The following PTPN22 variants were observed in gnomAD, a reference collection of about 807,000 sequenced individuals.
PTPN22 encodes protein tyrosine phosphatase non-receptor type 22.
PTPN22 carries 85 observed loss-of-function variants against 103.3 expected under a neutral mutation model. That is an observed-to-expected ratio of 0.82 (90% confidence interval 0.69 to 0.99). The LOEUF (loss-of-function observed/expected upper bound fraction) is 0.99, where lower values mean the gene tolerates loss of function less well. Among genes scored for constraint, PTPN22 ranks in the 50% least tolerant of loss-of-function variants. The pLI, the probability that PTPN22 is intolerant of heterozygous loss-of-function variation, is 0.00. For missense variants in PTPN22, 865 were observed against 936.9 expected, an observed-to-expected ratio of 0.92 and a Z score of 1.00; for synonymous variants, 323 against 310.2, an observed-to-expected ratio of 1.04 and a Z score of -0.43.
At chr1:113,856,234 A>C (rs1051340240) in intron 7 of PTPN22, 148 bp downstream of exon 7, 2 of 1,199,466 alleles carry the variant, frequency 1.7e-6, no homozygotes, top group Non-Finnish European at 2.2e-6. Context: ...GCCAGGCTCA[A>C]AGTTCTCTTG....
chr1:113,822,151 C>A (rs912541772), intron 19 of PTPN22, among the ~76,000 whole-genome samples: 12 of 152,288 alleles, frequency 7.9e-5, no homozygotes, highest in Non-Finnish European at 1.2e-4. Flanking sequence ...ACCATTGTTA[C>A]AAGCCAGTAA....
At chr1:113,842,710 G>C (rs1254007500) in intron 11 of PTPN22, among the ~76,000 whole-genome samples, 1 of 151,972 alleles carries the variant, frequency 6.6e-6, no homozygotes, top group Non-Finnish European at 1.5e-5. Context: ...AAAATAAAAA[G>C]TGTTGGCCAG....
At chr1:113,829,544 G>A in intron 18 of PTPN22, 48 bp downstream of exon 18, 2 of 1,073,896 alleles carry the variant, frequency 1.9e-6, no homozygotes, top group East Asian at 2.5e-5. Flanking sequence ...GAAACTTTCA[G>A]TAAGGGAAAG....
chr1:113,835,246 C>T (rs570691021), intron 13 of PTPN22, among the ~76,000 whole-genome samples: 2 of 152,230 alleles, frequency 1.3e-5, no homozygotes, highest in South Asian at 2.1e-4. Flanking sequence ...GGGCTGGGCG[C>T]GGTGGCTCAC....
chr1:113,832,580 T>C (rs1662642539), intron 16 of PTPN22, among the ~76,000 whole-genome samples: 2 of 152,228 alleles, frequency 1.3e-5, no homozygotes, highest in African/African-American at 2.4e-5. Context: ...GCAAAGCCCA[T>C]GTTTTTTAAC....
At chr1:113,829,903 C>A (rs777547945) in intron 17 of PTPN22, 46 bp downstream of exon 17, 1 of 1,493,158 alleles carries the variant, frequency 6.7e-7, no homozygotes. Flanking sequence ...AATCTTTTAA[C>A]ATTTTCATTT....
At chr1:113,857,014 C>T (rs1665143038) in intron 5 of PTPN22, among the ~76,000 whole-genome samples, 1 of 151,892 alleles carries the variant, frequency 6.6e-6, no homozygotes, top group African/African-American at 2.4e-5. Context: ...ATAATGTGAA[C>T]CACAAATGTA....
At chr1:113,822,998 T>A (rs1367296094) in intron 19 of PTPN22, among the ~76,000 whole-genome samples, 1 of 152,208 alleles carries the variant, frequency 6.6e-6, no homozygotes, top group Non-Finnish European at 1.5e-5. Context: ...CATTCTAAAG[T>A]GGATCCCCTT....
At chr1:113,826,809 A>G (rs1487380543) in intron 18 of PTPN22, among the ~76,000 whole-genome samples, 1 of 149,572 alleles carries the variant, frequency 6.7e-6, no homozygotes, top group Non-Finnish European at 1.5e-5. Flanking sequence ...AGCTGGGACT[A>G]CAGGCGCCCG....
chr1:113,868,271 T>C (rs1411255364), intron 1 of PTPN22, among the ~76,000 whole-genome samples: 1 of 152,134 alleles, frequency 6.6e-6, no homozygotes, highest in Non-Finnish European at 1.5e-5. Context: ...GCTCAGGGAA[T>C]CTACCTGGAA....
At chr1:113,860,511 C>T (rs1464606837) in intron 1 of PTPN22, among the ~76,000 whole-genome samples, 2 of 152,148 alleles carry the variant, frequency 1.3e-5, no homozygotes, top group Non-Finnish European at 2.9e-5. Flanking sequence ...AGGAGAGATA[C>T]TGAACTGATA....
chr1:113,845,202 T>G (rs1663946837), intron 11 of PTPN22, among the ~76,000 whole-genome samples: 3 of 148,484 alleles, frequency 2.0e-5, no homozygotes, highest in African/African-American at 7.3e-5. Context: ...TTGTTTTTGT[T>G]TTTTTTTTTT....
At chr1:113,845,655 T>C (rs1293899787) in intron 11 of PTPN22, among the ~76,000 whole-genome samples, 1 of 152,216 alleles carries the variant, frequency 6.6e-6, no homozygotes, top group Admixed American at 6.5e-5. Context: ...TTTTGTCAGT[T>C]AGTGGTGTTG....
Position 113,854,523 on chromosome 1 carries a change from C to T in PTPN22, c.698G>A (p.Arg233Lys), listed in dbSNP as rs780638731. The T allele has an allele frequency of 1.9e-6, 3 of 1,613,548 alleles. No homozygotes were observed. In the African/African-American group the frequency reaches 4.0e-5, roughly 22 times the overall value. ...ATCAATAGCACAAATAACACCAGTC[C>T]TTCCACAGCCAGCACTGAAATGAAA... Residue 233 changes from arginine to lysine, a missense_variant, in exon 9 of 21, where the codon AGG becomes AAG. This residue lies in a region of PTPN22 where 457 missense variants were observed against 529.1 expected (regional missense o/e 0.86). Coordinates refer to ENST00000359785, the Ensembl canonical transcript of PTPN22.
intron 15 of PTPN22, 72 bp downstream of exon 15, chr1:113,834,237 T>C: frequency 7.1e-7 from 1 of 1,402,450 alleles, no homozygotes; most frequent in South Asian, 1.2e-5. Context: ...GAATGATGGG[T>C]GTTAAAAATA....
intron 10 of PTPN22, 51 bp downstream of exon 10, chr1:113,851,976 G>A (rs1346864147): frequency 7.1e-7 from 1 of 1,416,210 alleles, no homozygotes; most frequent in South Asian, 1.2e-5. Context: ...CCATTAAACA[G>A]ATGGAGCAAG....
chr1:113,869,966 T>G lies in PTPN22; in HGVS notation c.87+1571A>C, dbSNP rs1194504868. Among the ~76,000 whole-genome samples the G allele has an allele frequency of 2.6e-5, 4 of 152,166 alleles. No homozygotes were observed. In the East Asian group the frequency reaches 7.7e-4, roughly 29 times the overall value. ...TGTTGAGCTGACATCGGAGTTCCTATCATAATATCTAATCACTCAATAATA... is the reference window on the plus strand; with the variant it reads ...TGTTGAGCTGACATCGGAGTTCCTAGCATAATATCTAATCACTCAATAATA... On this transcript the variant is annotated intron_variant, in intron 1 of 20. Coordinates refer to ENST00000359785, the Ensembl canonical transcript of PTPN22.
intron 15 of PTPN22, 128 bp downstream of exon 15, chr1:113,834,181 T>C (rs2101944993): frequency 9.8e-7 from 1 of 1,022,878 alleles, no homozygotes; most frequent in Non-Finnish European, 1.4e-6. Context: ...TATCCCAACA[T>C]CCTCTAGCAC....
rs1372853107 is a variant in PTPN22, at chr1:113,834,320, T to C, written c.2014A>G (p.Arg672Gly). Residue 672 changes from arginine (R) to glycine (G), a missense_variant, in exon 15 of 21, where the codon AGA becomes GGA. By Grantham distance (125) the Arg-to-Gly change is moderately radical. Around this residue, in one of 3 missense-constraint regions of PTPN22, gnomAD observed 401 missense variants for 388.6 expected, o/e 1.03. Coordinates refer to ENST00000359785, the Ensembl canonical transcript of PTPN22. ...AAAAAATTATTGACCTTGCTTGGTC[T>C]AAGTATCACAGAGTCATCAAATTTC... 1 of 1,613,958 alleles carries C rather than the reference T, an allele frequency of 6.2e-7. No individual in the cohort carries two copies. Among genetic ancestry groups the C allele is most frequent in the East Asian group, 2.2e-5 (1 of 44,858 alleles).
Sources: allele counts gnomAD v4.1 joint callset (sites outside exome capture counted in the v4.1 genomes callset), GRCh38; gene constraint gnomAD v4.1.1; regional missense constraint gnomAD v4.1.1; transcripts MANE v1.5; gene names NCBI Gene and HGNC (gene_info 2026-07-23, HGNC 2026-07-21).